PDE4D: variants seen among roughly 807,000 people sequenced by gnomAD.
PDE4D encodes the protein phosphodiesterase 4D.
In PDE4D, 24 loss-of-function variants were observed where a neutral mutation model predicts 87.4. The observed-to-expected ratio is 0.27, with a 90% CI of 0.20 to 0.39. PDE4D has a LOEUF of 0.39. Among genes scored for constraint, PDE4D ranks in the 10% least tolerant of loss-of-function variants. The pLI is 1.00. For synonymous variants in PDE4D, 384 were observed against 383.2 expected, an observed-to-expected ratio of 1.00 and a Z score of -0.02; for missense variants, 714 against 1,041.0, an observed-to-expected ratio of 0.69 and a Z score of 4.32.
At chr5:59,792,963 T>G (rs886933420) in intron 1 of PDE4D, among the ~76,000 whole-genome samples, 1 of 152,160 alleles carries the variant, frequency 6.6e-6, no homozygotes, top group African/African-American at 2.4e-5. Context: ...GATCATGACA[T>G]TCACAGAAGT....
At chr5:59,171,127 C>T (rs1342515056) in intron 5 of PDE4D, among the ~76,000 whole-genome samples, 1 of 152,164 alleles carries the variant, frequency 6.6e-6, no homozygotes, top group Non-Finnish European at 1.5e-5. Flanking sequence ...GGTGATCCAC[C>T]CGCCTCAGCC....
intron 3 of PDE4D, among the ~76,000 whole-genome samples, chr5:59,951,726 C>T (rs758946457): frequency 3.3e-5 from 5 of 152,086 alleles, no homozygotes; most frequent in African/African-American, 4.8e-5. Context: ...TTTTTCCCTC[C>T]CTCTACATAG....
At chr5:60,307,164 C>G (rs16877877) in intron 1 of PDE4D, among the ~76,000 whole-genome samples, 8,483 of 151,960 alleles carry the variant, frequency 0.056, 798 homozygotes, top group African/African-American at 0.19. Flanking sequence ...AAAAAATTCA[C>G]AACAAGAGTT....
At chr5:59,065,123 CAT>C (rs1314485717) in intron 5 of PDE4D, among the ~76,000 whole-genome samples, 8 of 136,322 alleles carry the variant, frequency 5.9e-5, no homozygotes, top group African/African-American at 1.8e-4. Context: ...CACACACACA[CAT>C]ATACAATGAA....
intron 1 of PDE4D, among the ~76,000 whole-genome samples, chr5:60,314,884 C>G (rs1755407258): frequency 6.6e-6 from 1 of 152,090 alleles, no homozygotes; most frequent in Non-Finnish European, 1.5e-5. Context: ...TCCAGTCTAT[C>G]ATTGTTGGAC....
At chr5:59,740,208 T>C (rs909904879) in intron 1 of PDE4D, among the ~76,000 whole-genome samples, 2 of 152,212 alleles carry the variant, frequency 1.3e-5, no homozygotes, top group South Asian at 2.1e-4. Flanking sequence ...GTGCAGAAAA[T>C]TATTAACAGT....
At chr5:59,672,599 T>C (rs1197408979) in intron 1 of PDE4D, among the ~76,000 whole-genome samples, 1 of 152,216 alleles carries the variant, frequency 6.6e-6, no homozygotes, top group Non-Finnish European at 1.5e-5. Context: ...TATTTTTGCA[T>C]AATCTCTTTT....
chr5:59,653,563 T>C (rs1411019131), intron 1 of PDE4D, among the ~76,000 whole-genome samples: 4 of 152,184 alleles, frequency 2.6e-5, no homozygotes, highest in Admixed American at 2.6e-4. Flanking sequence ...CAGGACATAG[T>C]ACTCTGTAGG....
intron 1 of PDE4D, among the ~76,000 whole-genome samples, chr5:59,886,412 G>A (rs1347709013): frequency 6.6e-6 from 1 of 152,072 alleles, no homozygotes; most frequent in African/African-American, 2.4e-5. Flanking sequence ...AGCTACTCGG[G>A]AGGCTGAGGC....
intron 2 of PDE4D, among the ~76,000 whole-genome samples, chr5:59,200,066 C>T (rs114315245): frequency 2.3e-4 from 33 of 143,782 alleles, no homozygotes; most frequent in East Asian, 2.0e-3. Flanking sequence ...TGCATGTACA[C>T]ACACGTATGC....
At chr5:60,408,230 C>T (rs151325050) in intron 1 of PDE4D, among the ~76,000 whole-genome samples, 4 of 152,092 alleles carry the variant, frequency 2.6e-5, no homozygotes, top group African/African-American at 7.2e-5. Context: ...TAGCTTCCTG[C>T]GTGAGCATAA....
At chr5:59,148,719 G>C (rs1461026479) in intron 5 of PDE4D, among the ~76,000 whole-genome samples, 1 of 151,342 alleles carries the variant, frequency 6.6e-6, no homozygotes, top group Non-Finnish European at 1.5e-5. Flanking sequence ...AGATCTACTG[G>C]AAATAAAACT....
chr5:59,907,756 A>G (rs1039910465), intron 3 of PDE4D, among the ~76,000 whole-genome samples: 7 of 152,176 alleles, frequency 4.6e-5, no homozygotes, highest in Non-Finnish European at 8.8e-5. Context: ...TCAGCCCTAG[A>G]GTGGACCAAG....
chr5:59,145,061 G>A (rs985365726), intron 5 of PDE4D, among the ~76,000 whole-genome samples: 2 of 152,084 alleles, frequency 1.3e-5, no homozygotes, highest in Non-Finnish European at 2.9e-5. Context: ...AAAATAAAGG[G>A]TGAATTTAAT....
At chr5:59,814,883 G>T (rs1284800819) in intron 1 of PDE4D, among the ~76,000 whole-genome samples, 3 of 152,152 alleles carry the variant, frequency 2.0e-5, no homozygotes, top group Non-Finnish European at 4.4e-5. Context: ...TGGTAAGGGG[G>T]CATGATAATA....
At chr5:59,356,762 A>C in intron 1 of PDE4D, 1 of 1,573,038 alleles carries the variant, frequency 6.4e-7, no homozygotes, top group South Asian at 1.2e-5. Context: ...TAATACCTGT[A>C]GGACTTTGAG....
intron 2 of PDE4D, among the ~76,000 whole-genome samples, chr5:59,213,608 T>C (rs1224007509): frequency 6.6e-6 from 1 of 152,098 alleles, no homozygotes; most frequent in East Asian, 1.9e-4. Context: ...CAGGCAGCCT[T>C]AGTTCTTTCT....
At chr5:59,525,408 T>C (rs1234985261) in intron 1 of PDE4D, among the ~76,000 whole-genome samples, 5 of 152,224 alleles carry the variant, frequency 3.3e-5, no homozygotes, top group Non-Finnish European at 5.9e-5. Flanking sequence ...TTGGAATGAG[T>C]GTATTTACCC....
intron 1 of PDE4D, among the ~76,000 whole-genome samples, chr5:59,792,302 G>A (rs960589947): frequency 5.3e-5 from 8 of 152,124 alleles, no homozygotes; most frequent in Non-Finnish European, 8.8e-5. Context: ...GAACCAATAC[G>A]TGGCAACGCC....
Sources: gnomAD v4.1 joint callset for allele counts (sites outside exome capture counted in the v4.1 genomes callset) on GRCh38, gnomAD v4.1.1 for gene constraint, MANE v1.5 for transcripts, NCBI Gene and HGNC (gene_info 2026-07-23, HGNC 2026-07-21) for gene names.